The following COL15A1 variants were observed in gnomAD, a reference collection of about 807,000 sequenced individuals.
COL15A1 encodes collagen alpha-1(XV) chain.
A neutral mutation model predicts 165.9 loss-of-function variants in COL15A1; 111 were observed. The observed-to-expected ratio is 0.67, with a 90% CI of 0.57 to 0.78. The LOEUF (loss-of-function observed/expected upper bound fraction) is 0.78, where lower values mean the gene tolerates loss of function less well. Among genes scored for constraint, COL15A1 ranks in the 30% least tolerant of loss-of-function variants. COL15A1 has a pLI of 0.00. For missense variants in COL15A1, 1,745 were observed against 1,789.7 expected (o/e 0.98, Z 0.45); for synonymous variants, 659 against 674.8 (o/e 0.98, Z 0.36).
At chr9:98,959,239 A>AC (rs1837827698) in intron 2 of COL15A1, among the ~76,000 whole-genome samples, 1 of 151,454 alleles carries the variant, frequency 6.6e-6, no homozygotes, top group African/African-American at 2.4e-5. Flanking sequence ...AAAAAAAAAA[A>AC]AAAAAAAACT....
intron 26 of COL15A1, among the ~76,000 whole-genome samples, chr9:99,045,445 T>C (rs76420373): frequency 0.016 from 2,410 of 152,322 alleles, 97 homozygotes; most frequent in East Asian, 0.13. Context: ...CTAAATGATA[T>C]TAGGGCCCTT....
chr9:99,023,220 A>T, intron 13 of COL15A1, 137 bp from the exon 14 acceptor site: 1 of 1,127,202 alleles, frequency 8.9e-7, no homozygotes, highest in Non-Finnish European at 1.2e-6. Flanking sequence ...GAAAAGTCAG[A>T]GAGAAAACGG....
chr9:98,983,742 CATT>C, intron 2 of COL15A1, among the ~76,000 whole-genome samples: 1 of 152,160 alleles, frequency 6.6e-6, no homozygotes, highest in South Asian at 2.1e-4. Context: ...GCACTGCTAC[CATT>C]ATTAACCAGG....
intron 39 of COL15A1, 54 bp from the exon 40 acceptor site, chr9:99,066,828 G>A: frequency 1.3e-6 from 2 of 1,519,416 alleles, no homozygotes; most frequent in Non-Finnish European, 1.8e-6. Flanking sequence ...ATGGTTCTGG[G>A]GGCTGGAGTT....
chr9:99,011,007 A>T (rs1321260448), intron 9 of COL15A1, among the ~76,000 whole-genome samples: 2 of 152,212 alleles, frequency 1.3e-5, no homozygotes, highest in Non-Finnish European at 2.9e-5. Context: ...TCAGGCCACA[A>T]CATTTATAAC....
intron 36 of COL15A1, among the ~76,000 whole-genome samples, 187 bp downstream of exon 36, chr9:99,060,140 G>C (rs34111295): frequency 2.0e-5 from 3 of 150,938 alleles, no homozygotes; most frequent in Admixed American, 1.3e-4. Context: ...GTAAAAAGAC[G>C]TGAAAAAACA....
At chr9:99,012,702 C>A (rs927651798) in intron 9 of COL15A1, among the ~76,000 whole-genome samples, 3 of 147,544 alleles carry the variant, frequency 2.0e-5, no homozygotes, top group African/African-American at 7.6e-5. Context: ...TGTTTCCCAC[C>A]CTTTTTTTTT....
intron 9 of COL15A1, among the ~76,000 whole-genome samples, chr9:99,006,449 C>T (rs1019476159): frequency 6.6e-6 from 1 of 152,242 alleles, no homozygotes; most frequent in Admixed American, 6.5e-5. Flanking sequence ...ATTGCACACA[C>T]TTGTGCCCCT....
intron 18 of COL15A1, 38 bp downstream of exon 18, chr9:99,035,192 G>A: frequency 6.3e-7 from 1 of 1,583,400 alleles, no homozygotes. Flanking sequence ...AAAATGATGT[G>A]TACTAAGGGC....
intron 28 of COL15A1, 51 bp from the exon 29 acceptor site, chr9:99,049,639 T>C (rs1588533677): frequency 2.5e-6 from 4 of 1,606,256 alleles, no homozygotes; most frequent in Non-Finnish European, 3.4e-6. Flanking sequence ...TGGCTGCCCC[T>C]GCATTCACAA....
intron 9 of COL15A1, among the ~76,000 whole-genome samples, chr9:99,014,379 T>G (rs1752431150): frequency 6.6e-6 from 1 of 152,230 alleles, no homozygotes; most frequent in African/African-American, 2.4e-5. Context: ...AAAACTTGCA[T>G]TCCTTGTTGG....
chr9:98,971,763 T>G lies in COL15A1; in HGVS notation c.101-13802T>G, dbSNP rs548616908. On this transcript the variant is annotated intron_variant, in intron 2 of 41. Transcript: ENST00000375001. ...GTGTGTGCGCATGCACGTGGGCATGTGTGAAGGGAGCGGTGGTGAGCAGAG... is the reference window on the plus strand; with the variant it reads ...GTGTGTGCGCATGCACGTGGGCATGGGTGAAGGGAGCGGTGGTGAGCAGAG... Among the ~76,000 whole-genome samples the G allele has an allele frequency of 5.3e-5, 8 of 152,298 alleles. No individual in the cohort carries two copies. The South Asian group carries it at 1.5e-3, about 28-fold the overall frequency.
intron 2 of COL15A1, among the ~76,000 whole-genome samples, chr9:98,945,421 C>T (rs1837562989): frequency 6.6e-6 from 1 of 152,188 alleles, no homozygotes; most frequent in African/African-American, 2.4e-5. Flanking sequence ...GCAGAAGAGC[C>T]ATGCTTTCTA....
In COL15A1 at chr9:99,067,046, C is replaced by T. The variant is rs768918828; in HGVS notation, c.3816C>T (p.Ser1272=). ...STIVRKAERY[S]LPIVNLKGQV... ...TTGTGAGGAAAGCAGAGAGATACAG[C>T]CTTCCCATAGTGAACCTCAAGGTAA... is the stretch of plus-strand genomic sequence containing the variant. Residue 1272 remains serine (S), a synonymous_variant, in exon 40 of 42, where the codon AGC becomes AGT. Coordinates refer to ENST00000375001, the MANE Select transcript of COL15A1 (RefSeq NM_001855.5). 2.5e-6 allele frequency: 4 copies of T among 1,613,732 alleles called. No individual in the cohort carries two copies. In the South Asian group the frequency reaches 4.4e-5, roughly 18 times the overall value.
chr9:98,993,337 C>G (rs1259224178), intron 5 of COL15A1, among the ~76,000 whole-genome samples: 1 of 152,212 alleles, frequency 6.6e-6, no homozygotes, highest in Non-Finnish European at 1.5e-5. Flanking sequence ...AGTACAGATG[C>G]CTCGTTCCTC....
chr9:99,010,988 T>C (rs1260196024), intron 9 of COL15A1, among the ~76,000 whole-genome samples: 1 of 152,184 alleles, frequency 6.6e-6, no homozygotes, highest in Non-Finnish European at 1.5e-5. Context: ...ATAAAACATT[T>C]TTTTAGCATC....
intron 9 of COL15A1, among the ~76,000 whole-genome samples, chr9:99,006,054 T>C (rs1838757403): frequency 6.6e-6 from 1 of 152,158 alleles, no homozygotes; most frequent in African/African-American, 2.4e-5. Flanking sequence ...CTCATACCTC[T>C]TCCCTCATCA....
At chr9:99,054,118 G>A (rs1446171244) in intron 31 of COL15A1, among the ~76,000 whole-genome samples, 2 of 152,218 alleles carry the variant, frequency 1.3e-5, no homozygotes. Flanking sequence ...AAAACTTAGC[G>A]CCCTTGGTTG....
chr9:99,021,778 C>G (rs1839032142), intron 12 of COL15A1, among the ~76,000 whole-genome samples: 1 of 152,174 alleles, frequency 6.6e-6, no homozygotes, highest in Admixed American at 6.5e-5. Flanking sequence ...GCACTGAGCA[C>G]TGGTGCTCTA....
Sources: gnomAD v4.1 joint callset for allele counts (sites outside exome capture counted in the v4.1 genomes callset) on GRCh38, gnomAD v4.1.1 for gene constraint, MANE v1.5 for transcripts, NCBI Gene and HGNC (gene_info 2026-07-23, HGNC 2026-07-21) for gene names.